DPP6: variants seen among roughly 807,000 people sequenced by gnomAD.
DPP6 encodes the protein A-type potassium channel modulatory protein DPP6.
In DPP6, 69 loss-of-function variants were observed where a neutral mutation model predicts 122.6. The observed-to-expected ratio is 0.56, with a 90% CI of 0.46 to 0.69. The LOEUF is 0.69. DPP6 is among the 30% of genes least tolerant of loss of function. The pLI is 0.00. For missense variants in DPP6, 928 were observed against 1,116.9 expected, an observed-to-expected ratio of 0.83 and a Z score of 2.41; for synonymous variants, 418 against 433.1, an observed-to-expected ratio of 0.97 and a Z score of 0.43.
chr7:154,686,798 T>C (rs904831197), intron 7 of DPP6, among the ~76,000 whole-genome samples: 3 of 152,130 alleles, frequency 2.0e-5, no homozygotes, highest in Non-Finnish European at 4.4e-5. Context: ...TTTTTTTTAT[T>C]TCGGATGCAT....
intron 1 of DPP6, among the ~76,000 whole-genome samples, chr7:154,140,340 T>A (rs1795783617): frequency 6.6e-6 from 1 of 152,218 alleles, no homozygotes; most frequent in African/African-American, 2.4e-5. Flanking sequence ...ACACCAAGTT[T>A]ACTCTGACGG....
chr7:154,157,498 C>T (rs185708569), intron 1 of DPP6, among the ~76,000 whole-genome samples: 1 of 152,312 alleles, frequency 6.6e-6, no homozygotes, highest in Non-Finnish European at 1.5e-5. Flanking sequence ...CTTTTATTGG[C>T]TCATAGTGAC....
intron 1 of DPP6, among the ~76,000 whole-genome samples, chr7:154,021,596 G>A (rs890376710): frequency 6.6e-6 from 1 of 152,176 alleles, no homozygotes; most frequent in Non-Finnish European, 1.5e-5. Flanking sequence ...GTTATCCCCT[G>A]TGTATGTGGG....
chr7:154,818,580 G>A (rs1799562129), intron 16 of DPP6, among the ~76,000 whole-genome samples: 1 of 152,178 alleles, frequency 6.6e-6, no homozygotes, highest in South Asian at 2.1e-4. Context: ...AACATGTAGG[G>A]TGCTATTGAC....
At chr7:154,337,034 G>A (rs114823136) in intron 1 of DPP6, among the ~76,000 whole-genome samples, 6 of 152,322 alleles carry the variant, frequency 3.9e-5, no homozygotes, top group African/African-American at 1.4e-4. Context: ...GGGTAGAAAA[G>A]GAGAAGCATT....
chr7:154,032,802 G>T (rs1466009979), intron 1 of DPP6, among the ~76,000 whole-genome samples: 1 of 151,360 alleles, frequency 6.6e-6, no homozygotes, highest in Non-Finnish European at 1.5e-5. Flanking sequence ...AAATTTTAGG[G>T]CCTGAATCCC....
chr7:154,763,475 C>T (rs1254205686), intron 8 of DPP6, among the ~76,000 whole-genome samples: 2 of 152,160 alleles, frequency 1.3e-5, no homozygotes, highest in Admixed American at 1.3e-4. Context: ...TATGTCTCCT[C>T]ACCCTCTTCC....
At chr7:153,800,729 C>T in the DPP6 span, among the ~76,000 whole-genome samples, 5 of 151,954 alleles carry the variant, frequency 3.3e-5, no homozygotes, top group Admixed American at 2.6e-4. Context: ...GTTGGCCAGG[C>T]TGGTCTTGAA....
At chr7:153,886,786 T>G (rs1274084828), upstream of DPP6, among the ~76,000 whole-genome samples, 1 of 152,022 alleles carries the variant, frequency 6.6e-6, no homozygotes. Context: ...TTCCCCCGCT[T>G]CCCCTCCGCT....
At chr7:153,902,069 G>A (rs1323227165) in intron 1 of DPP6, among the ~76,000 whole-genome samples, 1 of 152,230 alleles carries the variant, frequency 6.6e-6, no homozygotes, top group Non-Finnish European at 1.5e-5. Context: ...CACAAAGGTA[G>A]TAGAGAAAGA....
intron 1 of DPP6, among the ~76,000 whole-genome samples, chr7:154,112,164 T>C (rs1806637496): frequency 6.6e-6 from 1 of 152,156 alleles, no homozygotes; most frequent in Non-Finnish European, 1.5e-5. Flanking sequence ...GGACAGTGGA[T>C]ATCATATCAC....
At chr7:153,827,064 A>G in the DPP6 span, among the ~76,000 whole-genome samples, 7 of 152,182 alleles carry the variant, frequency 4.6e-5, no homozygotes, top group Non-Finnish European at 1.0e-4. Flanking sequence ...CCATGTTTGA[A>G]AAGAAAAAAA....
At position 153,943,293 on chromosome 7, in the gene DPP6, T is replaced by G. The variant is rs115460006; in HGVS notation, c.51+55559T>G. On this transcript the variant is annotated intron_variant, in intron 1 of 25. Coordinates refer to the DPP6 transcript ENST00000404039. ...AGAGGTCTTCCCTTGCCTCTCAAATTCTAGAAGTAAACATCTGTTGATTTT... is the reference window on the plus strand; with the variant it reads ...AGAGGTCTTCCCTTGCCTCTCAAATGCTAGAAGTAAACATCTGTTGATTTT... 7.7e-3 allele frequency among the ~76,000 whole-genome samples: 1,175 copies of G among 152,280 alleles called. 19 individuals carry two copies. The highest frequency in any genetic ancestry group is 0.027 in the African/African-American group (1,121 of 41,558).
At position 154,150,983 on chromosome 7, in the gene DPP6, G is replaced by A. The variant is rs193020845; in HGVS notation, c.243+97920G>A. Among the ~76,000 whole-genome samples, 557 of 152,088 alleles carry A rather than the reference G, an allele frequency of 3.7e-3. 3 individuals are homozygous for A. Among genetic ancestry groups the A allele is most frequent in the Middle Eastern group, 0.02 (6 of 294 alleles). On this transcript the variant is annotated intron_variant, in intron 1 of 25. Transcript: ENST00000377770. The stretch of plus-strand genomic sequence containing the variant: ...TGTTCCTAGATAGCTGCTTCCTGCC[G>A]GGACTCCGTGATCTTGTCTGCAATG...
intron 1 of DPP6, among the ~76,000 whole-genome samples, chr7:153,959,659 T>C (rs1795246972): frequency 6.6e-6 from 1 of 152,262 alleles, no homozygotes; most frequent in South Asian, 2.1e-4. Context: ...TGAAGAGAGG[T>C]AGGGCCTTGC....
At position 154,585,837 on chromosome 7, in the gene DPP6, G is replaced by A. The variant is rs1245998312; in HGVS notation, c.627+18921G>A. Among the ~76,000 whole-genome samples, 3 of 152,216 alleles carry A rather than the reference G, an allele frequency of 2.0e-5. No homozygotes were observed. In the East Asian group the frequency reaches 5.8e-4, roughly 29 times the overall value. On this transcript the variant is annotated intron_variant, in intron 5 of 25. Transcript: ENST00000377770. ...TGGATACAGATCTCACAATACTCAG[G>A]GCCGACTGTAATTCTGAAGGAGGGG...
chr7:154,360,299 C>G (rs1369751425), intron 1 of DPP6, among the ~76,000 whole-genome samples: 1 of 152,184 alleles, frequency 6.6e-6, no homozygotes, highest in Admixed American at 6.5e-5. Flanking sequence ...ACCTCCAATT[C>G]CAAACCTCTT....
chr7:154,113,412 T>TATATATATATATATATATAC (rs1472172445), intron 1 of DPP6, among the ~76,000 whole-genome samples: 4 of 141,718 alleles, frequency 2.8e-5, no homozygotes, highest in East Asian at 2.3e-4. Flanking sequence ...TATATATATA[T>TATATATATATATATATATAC]ACACACACAC....
chr7:153,941,018 A>G (rs1363782322), intron 1 of DPP6, among the ~76,000 whole-genome samples: 2 of 151,954 alleles, frequency 1.3e-5, no homozygotes, highest in African/African-American at 2.4e-5. Flanking sequence ...TCAATAGATC[A>G]GGAAACTAAC....
Sources: gnomAD v4.1 joint callset for allele counts (sites outside exome capture counted in the v4.1 genomes callset) on GRCh38, gnomAD v4.1.1 for gene constraint, MANE v1.5 for transcripts, NCBI Gene and HGNC (gene_info 2026-07-23, HGNC 2026-07-21) for gene names.